Variants in GRM8 observed in about 807,000 individuals in gnomAD.
GRM8 encodes glutamate metabotropic receptor 8.
A neutral mutation model predicts 87.2 loss-of-function variants in GRM8; 47 were observed. The ratio of observed to expected loss-of-function variants is 0.54; its 90% CI spans 0.43 to 0.69. GRM8 has a LOEUF of 0.69. GRM8 is among the 30% of genes least tolerant of loss of function. The pLI is 0.00. For synonymous variants in GRM8, 396 were observed against 404.5 expected (o/e 0.98, Z 0.25); for missense variants, 1,019 against 1,139.2 (o/e 0.89, Z 1.52).
intron 7 of GRM8, among the ~76,000 whole-genome samples, chr7:126,707,400 T>C (rs1181831700): frequency 6.6e-6 from 1 of 152,146 alleles, no homozygotes; most frequent in African/African-American, 2.4e-5. Flanking sequence ...TATAATGGCA[T>C]GAGAGTGTTC....
intron 7 of GRM8, among the ~76,000 whole-genome samples, chr7:126,758,873 G>A (rs912362058): frequency 6.6e-6 from 1 of 151,714 alleles, no homozygotes; most frequent in Non-Finnish European, 1.5e-5. Context: ...TTTCATTAAT[G>A]TCCCTCACTT....
chr7:126,652,815 T>C (rs1438702563), intron 7 of GRM8, among the ~76,000 whole-genome samples: 2 of 152,130 alleles, frequency 1.3e-5, no homozygotes, highest in Non-Finnish European at 2.9e-5. Flanking sequence ...ATTAGTTACA[T>C]CACTCTAAAG....
At chr7:127,144,934 T>C (rs1828470855) in intron 2 of GRM8, among the ~76,000 whole-genome samples, 1 of 152,118 alleles carries the variant, frequency 6.6e-6, no homozygotes, top group African/African-American at 2.4e-5. Context: ...AAAAAAATGA[T>C]CTTTCAAACT....
At chr7:126,586,620 A>C (rs4580986) in intron 8 of GRM8, among the ~76,000 whole-genome samples, 47,188 of 152,062 alleles carry the variant, frequency 0.31, 8,176 homozygotes, top group East Asian at 0.44. Flanking sequence ...GGAAAACTGG[A>C]TAGCCATATG....
chr7:126,850,161 G>A (rs772970595), intron 6 of GRM8, among the ~76,000 whole-genome samples: 3 of 152,116 alleles, frequency 2.0e-5, no homozygotes, highest in Non-Finnish European at 2.9e-5. Context: ...TAATAAAGTT[G>A]CCAAACCGGC....
At chr7:127,130,597 G>T (rs1827635356) in intron 2 of GRM8, among the ~76,000 whole-genome samples, 1 of 152,182 alleles carries the variant, frequency 6.6e-6, no homozygotes, top group Non-Finnish European at 1.5e-5. Context: ...ATGATTTAGT[G>T]TATCTGGCAG....
At chr7:126,616,177 C>G (rs1316944123) in intron 7 of GRM8, among the ~76,000 whole-genome samples, 1 of 152,330 alleles carries the variant, frequency 6.6e-6, no homozygotes. Flanking sequence ...CAAACTATCT[C>G]TCAGACCACA....
chr7:126,440,072 G>A (rs1382201185), intron 10 of GRM8, among the ~76,000 whole-genome samples: 3 of 151,714 alleles, frequency 2.0e-5, no homozygotes, highest in African/African-American at 4.8e-5. Context: ...TATTGAAAAA[G>A]GAAATGTTTA....
chr7:126,822,906 G>A (rs1794435560), intron 6 of GRM8, among the ~76,000 whole-genome samples: 1 of 152,266 alleles, frequency 6.6e-6, no homozygotes, highest in African/African-American at 2.4e-5. Context: ...CTGTCTCCTA[G>A]TCTTCATCCC....
intron 2 of GRM8, among the ~76,000 whole-genome samples, chr7:127,137,183 T>TA (rs567778704): frequency 4.0e-4 from 61 of 151,944 alleles, no homozygotes; most frequent in Non-Finnish European, 7.9e-4. Flanking sequence ...TTCTAGGAGT[T>TA]GGAGTTTATA....
At chr7:126,918,178 G>A (rs942610586) in intron 3 of GRM8, among the ~76,000 whole-genome samples, 1 of 152,190 alleles carries the variant, frequency 6.6e-6, no homozygotes, top group Non-Finnish European at 1.5e-5. Flanking sequence ...CTTGCCAGCG[G>A]CCTTGGAATT....
chr7:126,675,015 A>T (rs1025553111), intron 7 of GRM8, among the ~76,000 whole-genome samples: 2 of 152,214 alleles, frequency 1.3e-5, no homozygotes, highest in African/African-American at 4.8e-5. Flanking sequence ...TTATGAACTG[A>T]ACGTTCGTGT....
At chr7:126,764,684 G>C (rs1428977820) in intron 7 of GRM8, among the ~76,000 whole-genome samples, 2 of 151,978 alleles carry the variant, frequency 1.3e-5, no homozygotes, top group Non-Finnish European at 2.9e-5. Context: ...TTGGAATATT[G>C]AGCACTGAAA....
At chr7:127,063,813 T>C (rs187026082) in intron 3 of GRM8, among the ~76,000 whole-genome samples, 12 of 152,338 alleles carry the variant, frequency 7.9e-5, no homozygotes, top group African/African-American at 2.9e-4. Context: ...TCCCAGAGAT[T>C]CCAGTATGTT....
chr7:126,669,114 C>T (rs1220092953), intron 7 of GRM8, among the ~76,000 whole-genome samples: 1 of 152,192 alleles, frequency 6.6e-6, no homozygotes, highest in South Asian at 2.1e-4. Flanking sequence ...GGGAGTTGAA[C>T]AGCAAGAACA....
At chr7:126,748,171 T>G (rs1946114) in intron 7 of GRM8, among the ~76,000 whole-genome samples, 59,204 of 151,706 alleles carry the variant, frequency 0.39, 12,760 homozygotes, top group Non-Finnish European at 0.48. Flanking sequence ...GTAGCATAAA[T>G]TAGGAAGAAG....
chr7:126,873,097 A>T (rs886312905), intron 6 of GRM8, among the ~76,000 whole-genome samples: 2 of 152,190 alleles, frequency 1.3e-5, no homozygotes, highest in African/African-American at 4.8e-5. Context: ...AGTTTTAAAG[A>T]TGCATTTTTC....
intron 2 of GRM8, among the ~76,000 whole-genome samples, chr7:127,146,823 C>G (rs983167053): frequency 3.0e-4 from 45 of 152,012 alleles, no homozygotes; most frequent in Non-Finnish European, 7.4e-5. Flanking sequence ...ACTCTGTACA[C>G]CACCTCACCT....
At chr7:126,705,193 G>A (rs1037818263) in intron 7 of GRM8, among the ~76,000 whole-genome samples, 4 of 152,074 alleles carry the variant, frequency 2.6e-5, no homozygotes, top group Admixed American at 1.3e-4. Flanking sequence ...GTAGCCCTGA[G>A]ACTATAAGTT....
Sources: gnomAD v4.1 joint callset for allele counts (sites outside exome capture counted in the v4.1 genomes callset) on GRCh38, gnomAD v4.1.1 for gene constraint, MANE v1.5 for transcripts, NCBI Gene and HGNC (gene_info 2026-07-23, HGNC 2026-07-21) for gene names.